The following BMP2K variants were observed in gnomAD, a reference collection of about 807,000 sequenced individuals.
The protein encoded by BMP2K is BMP2 inducible kinase.
In BMP2K, 74 loss-of-function variants were observed where a neutral mutation model predicts 116.0. That is an observed-to-expected ratio of 0.64 (90% CI 0.53 to 0.77). BMP2K has a LOEUF of 0.77. Among genes scored for constraint, BMP2K ranks in the 30% least tolerant of loss-of-function variants. The probability of loss-of-function intolerance (pLI) is 0.00; values close to 1 mark genes in which losing one functional copy is unlikely to be tolerated. For synonymous variants in BMP2K, 486 were observed against 502.5 expected (o/e 0.97, Z 0.44); for missense variants, 1,365 against 1,403.6 (o/e 0.97, Z 0.44).
intron 1 of BMP2K, among the ~76,000 whole-genome samples, chr4:78,802,836 C>CT (rs11287574): frequency 4.2e-4 from 62 of 147,240 alleles, no homozygotes; most frequent in Admixed American, 8.8e-4. Flanking sequence ...CATTTATAAT[C>CT]TTTTTTTTTT....
chr4:78,853,808 A>T (rs1023340314), intron 7 of BMP2K, among the ~76,000 whole-genome samples: 2 of 152,200 alleles, frequency 1.3e-5, no homozygotes, highest in Non-Finnish European at 2.9e-5. Flanking sequence ...ATGAAAGCTG[A>T]AAAGTGCTTT....
intron 7 of BMP2K, among the ~76,000 whole-genome samples, chr4:78,857,793 G>A (rs913246686): frequency 6.6e-6 from 1 of 151,952 alleles, no homozygotes; most frequent in African/African-American, 2.4e-5. Context: ...TCAGTATCAC[G>A]AATAGTGTTT....
intron 15 of BMP2K, among the ~76,000 whole-genome samples, chr4:78,890,972 A>G (rs997383341): frequency 1.3e-5 from 2 of 152,088 alleles, no homozygotes; most frequent in Non-Finnish European, 2.9e-5. Context: ...AGGTGGGAGG[A>G]TTGCTTGCTT....
At chr4:78,857,679 T>A (rs1278431865) in intron 7 of BMP2K, among the ~76,000 whole-genome samples, 1 of 152,104 alleles carries the variant, frequency 6.6e-6, no homozygotes, top group Non-Finnish European at 1.5e-5. Flanking sequence ...GATAGCGTGT[T>A]TAAAACATGA....
At chr4:78,907,926 G>T (rs1056523823) in intron 15 of BMP2K, among the ~76,000 whole-genome samples, 1 of 152,102 alleles carries the variant, frequency 6.6e-6, no homozygotes, top group East Asian at 1.9e-4. Context: ...CACAGTCAGG[G>T]ATGATGGGAA....
intron 15 of BMP2K, among the ~76,000 whole-genome samples, chr4:78,907,009 G>A (rs1315597984): frequency 1.3e-5 from 2 of 152,026 alleles, no homozygotes; most frequent in Non-Finnish European, 2.9e-5. Context: ...TACTAAAAAA[G>A]GAGGGTTTCC....
intron 15 of BMP2K, among the ~76,000 whole-genome samples, chr4:78,895,093 CAAT>C (rs1733634752): frequency 6.6e-6 from 1 of 151,944 alleles, no homozygotes; most frequent in Non-Finnish European, 1.5e-5. Context: ...GTAACAGATA[CAAT>C]AATAATGAAA....
At position 78,871,796 on chromosome 4, in the gene BMP2K, G is replaced by T; in HGVS notation, c.1510-54G>T. 4 of 1,193,836 alleles carry T rather than the reference G, an allele frequency of 3.4e-6. No homozygotes were observed. In the South Asian group the frequency reaches 5.2e-5, roughly 15 times the overall value. 74.0% of individuals were successfully genotyped at this position (1,193,836 alleles called of 1,614,324 possible). A position where few individuals can be genotyped will look rare whatever the true frequency, so the allele number is the denominator to read the frequency against. On this transcript the variant is annotated intron_variant, in intron 11 of 15. Coordinates refer to ENST00000502613, the MANE Select transcript of BMP2K (RefSeq NM_198892.2). The stretch of plus-strand genomic sequence containing the variant: ...ATGGTAAGATCAATACTTTAAAAAA[G>T]GGCTCTGACACAAAAAAGGCATAAC...
chr4:78,776,606 C>T lies in BMP2K; in HGVS notation c.63C>T (p.Gly21=). The T allele has an allele frequency of 8.6e-7, 1 of 1,157,006 alleles. No homozygotes were observed. Among genetic ancestry groups the T allele is most frequent in the South Asian group, 4.3e-5 (1 of 23,470 alleles). 71.7% of individuals were successfully genotyped at this position (1,157,006 alleles called of 1,614,324 possible). A position where few individuals can be genotyped will look rare whatever the true frequency, so the allele number is the denominator to read the frequency against. The change falls in exon 1 of 16, where the codon GGC becomes GGT. Residue 21 remains glycine (G), a synonymous_variant. Coordinates refer to ENST00000502613, the MANE Select transcript of BMP2K (RefSeq NM_198892.2). ...EGGSGGGAAG[G]GAGGAGAGAG... ...GCAGCGGCGGCGGAGCGGCGGGTGG[C>T]GGGGCTGGCGGGGCCGGGGCCGGGG...
At chr4:78,811,364 A>G (rs1729081253) in intron 1 of BMP2K, among the ~76,000 whole-genome samples, 1 of 152,188 alleles carries the variant, frequency 6.6e-6, no homozygotes, top group Non-Finnish European at 1.5e-5. Context: ...TATGCTTTCT[A>G]CTAATTGTGT....
chr4:78,779,228 A>G (rs1727390989), intron 1 of BMP2K, among the ~76,000 whole-genome samples: 2 of 152,234 alleles, frequency 1.3e-5, no homozygotes, highest in Admixed American at 6.5e-5. Context: ...TGATCAAGAT[A>G]CAACCTTGTT....
intron 15 of BMP2K, among the ~76,000 whole-genome samples, chr4:78,910,231 C>T (rs1577987097): frequency 6.6e-6 from 1 of 152,142 alleles, no homozygotes; most frequent in Non-Finnish European, 1.5e-5. Context: ...GAAATATAAG[C>T]AGGAGGTATT....
chr4:78,898,467 GC>G (rs1353750511), intron 15 of BMP2K, among the ~76,000 whole-genome samples: 1 of 151,572 alleles, frequency 6.6e-6, no homozygotes, highest in Non-Finnish European at 1.5e-5. Context: ...GTTGGCAGGG[GC>G]TATCATGATA....
intron 15 of BMP2K, among the ~76,000 whole-genome samples, chr4:78,892,432 C>T (rs914981479): frequency 2.0e-5 from 3 of 152,054 alleles, no homozygotes; most frequent in East Asian, 1.9e-4. Flanking sequence ...TCTGATATTC[C>T]GTTTTTATAC....
chr4:78,835,337 A>G (rs1730418664), intron 3 of BMP2K, among the ~76,000 whole-genome samples: 1 of 152,074 alleles, frequency 6.6e-6, no homozygotes, highest in Admixed American at 6.6e-5. Context: ...TAAAAAGTCA[A>G]ATAGTTGGCC....
chr4:78,832,118 T>A (rs892104404), intron 2 of BMP2K, among the ~76,000 whole-genome samples: 1 of 152,202 alleles, frequency 6.6e-6, no homozygotes, highest in African/African-American at 2.4e-5. Context: ...GCATTTGGGC[T>A]GTTTCTGTCT....
intron 3 of BMP2K, among the ~76,000 whole-genome samples, chr4:78,838,642 T>G (rs13122868): frequency 0.14 from 21,597 of 152,270 alleles, 1,734 homozygotes; most frequent in South Asian, 0.28. Context: ...ATAAAATTGT[T>G]TAACAATTAA....
intron 14 of BMP2K, among the ~76,000 whole-genome samples, chr4:78,884,856 C>T (rs1482784603): frequency 1.3e-5 from 2 of 152,136 alleles, no homozygotes; most frequent in African/African-American, 4.8e-5. Flanking sequence ...AGTTAGGGAC[C>T]CTTCGTTATA....
chr4:78,847,402 A>C (rs1731060988), intron 6 of BMP2K, 133 bp downstream of exon 6: 2 of 430,792 alleles, frequency 4.6e-6, no homozygotes, highest in South Asian at 2.0e-4. Flanking sequence ...AGAGCTTCTT[A>C]CTTGGGAGAA....
Sources: gnomAD v4.1 joint callset for allele counts (sites outside exome capture counted in the v4.1 genomes callset) on GRCh38, gnomAD v4.1.1 for gene constraint, MANE v1.5 for transcripts, NCBI Gene and HGNC (gene_info 2026-07-23, HGNC 2026-07-21) for gene names.